STAM2: variants seen among roughly 807,000 people sequenced by gnomAD.
STAM2 encodes signal transducing adapter molecule 2.
In STAM2, 51 loss-of-function variants were observed where a neutral mutation model predicts 65.6. That is an observed-to-expected ratio of 0.78 (90% CI 0.62 to 0.98). The LOEUF is 0.98. Among genes scored for constraint, STAM2 ranks in the 50% least tolerant of loss-of-function variants. STAM2 has a pLI of 0.00. For synonymous variants in STAM2, 198 were observed against 208.4 expected, an observed-to-expected ratio of 0.95 and a Z score of 0.43; for missense variants, 584 against 617.8, an observed-to-expected ratio of 0.95 and a Z score of 0.58.
At chr2:152,168,525 C>A (rs536397294) in intron 1 of STAM2, among the ~76,000 whole-genome samples, 4 of 152,114 alleles carry the variant, frequency 2.6e-5, no homozygotes, top group Non-Finnish European at 5.9e-5. Context: ...AGAGACACAT[C>A]CACCTAACTA....
chr2:152,156,113 A>G (rs1196656540), intron 1 of STAM2, among the ~76,000 whole-genome samples: 3 of 152,228 alleles, frequency 2.0e-5, no homozygotes, highest in African/African-American at 7.2e-5. Context: ...AATACATTAA[A>G]TATGAAGCCT....
intron 10 of STAM2, among the ~76,000 whole-genome samples, chr2:152,132,873 C>CA (rs1304195212): frequency 1.3e-5 from 2 of 152,064 alleles, no homozygotes; most frequent in Non-Finnish European, 2.9e-5. Context: ...GCATTTTAAA[C>CA]ATTTTGACTC....
intron 1 of STAM2, among the ~76,000 whole-genome samples, chr2:152,163,716 T>C (rs180780808): frequency 6.6e-6 from 1 of 152,134 alleles, no homozygotes; most frequent in Non-Finnish European, 1.5e-5. Context: ...ATACTAAATA[T>C]TAAGACCCTA....
intron 1 of STAM2, among the ~76,000 whole-genome samples, chr2:152,164,289 C>T (rs1297631176): frequency 6.6e-6 from 1 of 151,878 alleles, no homozygotes; most frequent in African/African-American, 2.4e-5. Flanking sequence ...AGGAAACATG[C>T]AAATTCAACT....
rs1224462287 is a variant in STAM2, at chr2:152,141,622, G to A, written c.704+2205C>T. Among the ~76,000 whole-genome samples, 4 of 151,078 alleles carry A rather than the reference G, an allele frequency of 2.6e-5. No homozygotes were observed. In the South Asian group the frequency reaches 6.3e-4, roughly 24 times the overall value. The stretch of plus-strand genomic sequence containing the variant: ...GTTTGTTTTTTTGAGACAGAGTCTC[G>A]CTCTGTCGCCCAGGCTGGAGTGCAA... On this transcript the variant is annotated intron_variant, in intron 7 of 13. Coordinates refer to ENST00000263904, the MANE Select transcript of STAM2 (RefSeq NM_005843.6).
rs149748356 is a variant in STAM2 at position 152,163,967 on chromosome 2, C to T, written c.40+11636G>A. On this transcript the variant is annotated intron_variant, in intron 1 of 13. Transcript: ENST00000263904. ...TGCACAGCTGAACACAGACCCTCATCAGTAATTCTAATTCTGCCCTTTGCC... is the reference window on the plus strand; with the variant it reads ...TGCACAGCTGAACACAGACCCTCATTAGTAATTCTAATTCTGCCCTTTGCC... Among the ~76,000 whole-genome samples, 309 of 151,508 alleles carry T rather than the reference C, an allele frequency of 2.0e-3. 1 individual carries two copies. Among genetic ancestry groups the T allele is most frequent in the African/African-American group, 6.6e-3 (275 of 41,478 alleles).
chr2:152,157,419 G>A (rs1689574674), intron 1 of STAM2, among the ~76,000 whole-genome samples: 1 of 152,324 alleles, frequency 6.6e-6, no homozygotes, highest in African/African-American at 2.4e-5. Context: ...GTTGTTAAAT[G>A]AGGACAAAAG....
At chr2:152,141,021 C>T (rs1253825269) in intron 7 of STAM2, among the ~76,000 whole-genome samples, 1 of 151,642 alleles carries the variant, frequency 6.6e-6, no homozygotes, top group Non-Finnish European at 1.5e-5. Flanking sequence ...CACCTGAATT[C>T]CCAGCTACTC....
intron 7 of STAM2, among the ~76,000 whole-genome samples, chr2:152,136,353 G>C (rs182577348): frequency 1.0e-3 from 152 of 152,070 alleles, no homozygotes; most frequent in Admixed American, 1.9e-3. Flanking sequence ...TGACGCAGGA[G>C]AATCGCTTGA....
intron 7 of STAM2, among the ~76,000 whole-genome samples, chr2:152,135,947 A>T (rs1689146036): frequency 6.6e-6 from 1 of 151,866 alleles, no homozygotes; most frequent in Non-Finnish European, 1.5e-5. Flanking sequence ...AAAATTAGCC[A>T]GGCATGGTGG....
intron 1 of STAM2, among the ~76,000 whole-genome samples, chr2:152,164,185 T>A (rs1168348618): frequency 6.6e-6 from 1 of 152,144 alleles, no homozygotes; most frequent in East Asian, 1.9e-4. Flanking sequence ...TTTCTCTCTA[T>A]TTCTCAGACT....
intron 11 of STAM2, among the ~76,000 whole-genome samples, chr2:152,130,947 G>A (rs1419896781): frequency 1.4e-5 from 2 of 142,230 alleles, no homozygotes; most frequent in African/African-American, 5.3e-5. Flanking sequence ...AGTGAGCCGA[G>A]ATCGCACCAC....
intron 7 of STAM2, among the ~76,000 whole-genome samples, chr2:152,140,625 T>A (rs1283605762): frequency 6.6e-6 from 1 of 152,212 alleles, no homozygotes; most frequent in Non-Finnish European, 1.5e-5. Flanking sequence ...TTTTACTTTT[T>A]AACATGGGGA....
At chr2:152,162,674 C>T (rs1194573209) in intron 1 of STAM2, among the ~76,000 whole-genome samples, 1 of 152,276 alleles carries the variant, frequency 6.6e-6, no homozygotes, top group East Asian at 1.9e-4. Flanking sequence ...TACAGTCTCA[C>T]TCTGTTGCCC....
rs143277563 is a variant in STAM2, at chr2:152,131,889, T to C, written c.1025+225A>G. The C allele has an allele frequency of 4.7e-3, 2,383 of 512,102 alleles. 17 individuals carry two copies. Among genetic ancestry groups the C allele is most frequent in the South Asian group, 6.5e-3 (269 of 41,414 alleles). The allele number at this position is 512,102 out of a possible 1,614,324, so 31.7% of individuals were successfully genotyped here. The stretch of plus-strand genomic sequence containing the variant: ...GAACAGACTGGTTAAAAGTAAGCCA[T>C]GCAAAATTTTTATTTAATAAAACTT... On this transcript the variant is annotated intron_variant, in intron 11 of 13. Transcript: ENST00000263904.
At chr2:152,137,911 C>T (rs1332204806) in intron 7 of STAM2, among the ~76,000 whole-genome samples, 1 of 152,106 alleles carries the variant, frequency 6.6e-6, no homozygotes, top group African/African-American at 2.4e-5. Flanking sequence ...ACCTTTCAAA[C>T]AGTAATCTAT....
In STAM2 at chr2:152,130,546, T is replaced by C. The variant is rs1689040604; in HGVS notation, c.1025+1568A>G. ...GATTACAGGCTTGAGCCACTGCGCC[T>C]GGCCGCTCCTATTTTTAAAGGACAA... On this transcript the variant is annotated intron_variant, in intron 11 of 13. Transcript: ENST00000263904. Among the ~76,000 whole-genome samples the C allele has an allele frequency of 3.3e-5, 5 of 151,216 alleles. No individual in the cohort carries two copies. In the South Asian group the frequency reaches 1.1e-3, roughly 32 times the overall value.
chr2:152,149,970 A>C (rs1689411840), intron 2 of STAM2, among the ~76,000 whole-genome samples, 175 bp downstream of exon 2: 1 of 152,216 alleles, frequency 6.6e-6, no homozygotes, highest in African/African-American at 2.4e-5. Flanking sequence ...TTGCTGTCTT[A>C]GAGGTAGCAG....
At chr2:152,121,090 G>C (rs1466067646) in intron 13 of STAM2, among the ~76,000 whole-genome samples, 1 of 152,014 alleles carries the variant, frequency 6.6e-6, no homozygotes, top group Non-Finnish European at 1.5e-5. Flanking sequence ...TAAGCCTCCT[G>C]AGTAGCTGGG....
Sources: allele counts gnomAD v4.1 joint callset (sites outside exome capture counted in the v4.1 genomes callset), GRCh38; gene constraint gnomAD v4.1.1; transcripts MANE v1.5; gene names NCBI Gene and HGNC (gene_info 2026-07-23, HGNC 2026-07-21).